CAP2: variants seen among roughly 807,000 people sequenced by gnomAD.
CAP2 encodes cyclase associated actin cytoskeleton regulatory protein 2.
In CAP2, 24 loss-of-function variants were observed where a neutral mutation model predicts 57.7. The ratio of observed to expected loss-of-function variants is 0.42; its 90% CI spans 0.30 to 0.58. The LOEUF (loss-of-function observed/expected upper bound fraction) is 0.58. Ranked by LOEUF, CAP2 falls within the 20% of genes least tolerant of loss-of-function variation. The pLI, the probability that CAP2 is intolerant of heterozygous loss-of-function variation, is 0.22. For missense variants in CAP2, 501 were observed against 590.3 expected, an observed-to-expected ratio of 0.85 and a Z score of 1.57; for synonymous variants, 194 against 207.2, an observed-to-expected ratio of 0.94 and a Z score of 0.55.
rs757765135 is a variant in CAP2, at chr6:17,543,109, T to C, written c.1175T>C (p.Val392Ala). ...GTGTTTGACAATGTGGTGGGCATTGTGGAAGTGATCAACTCCCAGGACATT... is the reference window on the plus strand; with the variant it reads ...GTGTTTGACAATGTGGTGGGCATTGCGGAAGTGATCAACTCCCAGGACATT... Reference protein sequence around the residue: ...GLVFDNVVGIVEVINSQDIQI... With the variant: ...GLVFDNVVGIAEVINSQDIQI... Residue 392 changes from valine to alanine, a missense_variant, in exon 11 of 13, where the codon GTG becomes GCG. By Grantham distance (64) the Val-to-Ala change is moderately conservative. Transcript: ENST00000229922. 13 of 1,614,034 alleles carry C rather than the reference T, an allele frequency of 8.1e-6. No homozygotes were observed. The highest frequency in any genetic ancestry group is 1.1e-5 in the Non-Finnish European group (13 of 1,180,010).
intron 11 of CAP2, among the ~76,000 whole-genome samples, chr6:17,548,365 CA>C (rs112858015): frequency 5.7e-4 from 73 of 127,288 alleles, no homozygotes; most frequent in Admixed American, 7.4e-4. Context: ...GATTCTGTCT[CA>C]AAAAAAAAAA....
At chr6:17,517,086 A>G (rs1424221722) in intron 7 of CAP2, among the ~76,000 whole-genome samples, 2 of 152,186 alleles carry the variant, frequency 1.3e-5, no homozygotes, top group African/African-American at 4.8e-5. Context: ...TTCCAATGAG[A>G]TAGTGTTTTG....
rs1005376716 is a variant in CAP2 at position 17,557,585 on chromosome 6, C to T, written c.*1143C>T. On this transcript the variant is annotated 3_prime_UTR_variant, in exon 13 of 13. Transcript: ENST00000229922. ...CCCAGTACAAGCATATATATTGTGCCTCTTACAGCCTTTGGAATACATTGT... is the reference window on the plus strand; with the variant it reads ...CCCAGTACAAGCATATATATTGTGCTTCTTACAGCCTTTGGAATACATTGT... 6.6e-6 allele frequency: 1 copy of T among 152,114 alleles called. No homozygotes were observed. The highest frequency in any genetic ancestry group is 1.5e-5 in the Non-Finnish European group (1 of 68,020). The allele number at this position is 152,114 out of a possible 1,614,324, so 9.4% of individuals were successfully genotyped here.
At chr6:17,438,227 G>A (rs1396816118) in intron 3 of CAP2, among the ~76,000 whole-genome samples, 6 of 149,202 alleles carry the variant, frequency 4.0e-5, no homozygotes, top group East Asian at 2.1e-4. Context: ...TTAGCTGGGC[G>A]TGGAGGTGGG....
intron 7 of CAP2, among the ~76,000 whole-genome samples, chr6:17,525,100 AC>A (rs1762475295): frequency 6.6e-6 from 1 of 151,462 alleles, no homozygotes; most frequent in African/African-American, 2.4e-5. Context: ...ATGGGGTTTC[AC>A]CATGTTGGCC....
At chr6:17,452,031 T>C (rs1298696715) in intron 3 of CAP2, among the ~76,000 whole-genome samples, 3 of 152,198 alleles carry the variant, frequency 2.0e-5, no homozygotes, top group African/African-American at 7.2e-5. Context: ...TATTTGAAAG[T>C]CTAAAAAACC....
intron 11 of CAP2, among the ~76,000 whole-genome samples, chr6:17,550,813 A>G (rs1412752358): frequency 6.6e-6 from 1 of 152,172 alleles, no homozygotes; most frequent in African/African-American, 2.4e-5. Flanking sequence ...CTACTTATCT[A>G]TATAATGAGT....
chr6:17,491,283 C>T (rs1240968734), intron 4 of CAP2, among the ~76,000 whole-genome samples: 2 of 152,056 alleles, frequency 1.3e-5, no homozygotes, highest in Non-Finnish European at 2.9e-5. Flanking sequence ...CCTAAGTTTC[C>T]ACCCCATTCT....
chr6:17,466,632 G>T (rs988975716), intron 4 of CAP2, among the ~76,000 whole-genome samples: 2 of 152,206 alleles, frequency 1.3e-5, no homozygotes, highest in African/African-American at 4.8e-5. Context: ...CTCAAGTGGG[G>T]TGCAAGAGTC....
intron 3 of CAP2, among the ~76,000 whole-genome samples, chr6:17,456,153 G>A (rs888831305): frequency 6.6e-6 from 1 of 152,148 alleles, no homozygotes; most frequent in African/African-American, 2.4e-5. Context: ...GCGAATTCTC[G>A]GGCCAACCCA....
chr6:17,465,530 C>G (rs990183197), intron 4 of CAP2, among the ~76,000 whole-genome samples: 11 of 152,164 alleles, frequency 7.2e-5, no homozygotes, highest in Admixed American at 2.0e-4. Flanking sequence ...CTCTACTTCC[C>G]TTTCCTCTTT....
In CAP2 at chr6:17,541,152, A is replaced by G. The variant is rs1430809952; in HGVS notation, c.1002+4A>G. 1 of 1,606,200 alleles carries G rather than the reference A, an allele frequency of 6.2e-7. No homozygotes were observed. The highest frequency in any genetic ancestry group is 1.1e-5 in the South Asian group (1 of 90,276). ...GGAAGGAAAGAAATGGAGAGTGGTA[A>G]GTGAAGCATTTTAACCTTTATTTTC... is the stretch of plus-strand genomic sequence containing the variant. On this transcript the variant is annotated splice_donor_region_variant and intron_variant, in intron 9 of 12. Coordinates refer to ENST00000229922, the MANE Select transcript of CAP2 (RefSeq NM_006366.3).
chr6:17,515,277 A>G (rs1762250056), intron 7 of CAP2, among the ~76,000 whole-genome samples: 1 of 152,220 alleles, frequency 6.6e-6, no homozygotes, highest in Admixed American at 6.5e-5. Context: ...CTATGCAGCC[A>G]TAAAATAGAA....
At chr6:17,497,116 C>G (rs750081476) in intron 4 of CAP2, among the ~76,000 whole-genome samples, 2 of 152,098 alleles carry the variant, frequency 1.3e-5, no homozygotes, top group Non-Finnish European at 2.9e-5. Context: ...GAATTTTTTT[C>G]TTGCTATTTC....
chr6:17,503,270 C>T (rs1432006690), intron 4 of CAP2, among the ~76,000 whole-genome samples: 3 of 152,120 alleles, frequency 2.0e-5, no homozygotes, highest in Admixed American at 6.6e-5. Flanking sequence ...TCTCTCCCCA[C>T]GCCTCCTCTG....
At chr6:17,511,700 C>T (rs1762157029) in intron 6 of CAP2, among the ~76,000 whole-genome samples, 1 of 152,152 alleles carries the variant, frequency 6.6e-6, no homozygotes, top group Admixed American at 6.6e-5. Context: ...ATGATCTACT[C>T]ACCTTGGCCT....
chr6:17,492,816 TTGTTTACTGTC>T (rs199899268), intron 4 of CAP2, among the ~76,000 whole-genome samples: 2,948 of 152,326 alleles, frequency 0.019, 62 homozygotes, highest in Middle Eastern at 0.041. Context: ...AATATGTCTG[TTGTTTACTGTC>T]TGTTTACTGC....
chr6:17,395,871 AT>A (rs536499500), intron 1 of CAP2, among the ~76,000 whole-genome samples: 4 of 152,216 alleles, frequency 2.6e-5, no homozygotes, highest in Non-Finnish European at 5.9e-5. Flanking sequence ...AAGATAGCTC[AT>A]AGAATGGGAG....
chr6:17,401,720 T>G (rs1758821481), intron 1 of CAP2, among the ~76,000 whole-genome samples: 1 of 152,214 alleles, frequency 6.6e-6, no homozygotes. Flanking sequence ...TTAGGCAATT[T>G]TTTTTAAGTT....
Sources: gnomAD v4.1 joint callset for allele counts (sites outside exome capture counted in the v4.1 genomes callset) on GRCh38, gnomAD v4.1.1 for gene constraint, MANE v1.5 for transcripts, NCBI Gene and HGNC (gene_info 2026-07-23, HGNC 2026-07-21) for gene names.